The following MMS19 variants were observed in gnomAD, a reference collection of about 807,000 sequenced individuals.
MMS19 encodes the protein MMS19 cytosolic iron-sulfur assembly component.
A neutral mutation model predicts 129.8 loss-of-function variants in MMS19; 77 were observed. The ratio of observed to expected loss-of-function variants is 0.59; its 90% CI spans 0.49 to 0.72. MMS19 has a LOEUF of 0.72. Among genes scored for constraint, MMS19 ranks in the 30% least tolerant of loss-of-function variants. The pLI is 0.00. For missense variants in MMS19, 1,168 were observed against 1,266.3 expected, an observed-to-expected ratio of 0.92 and a Z score of 1.18; for synonymous variants, 491 against 502.8, an observed-to-expected ratio of 0.98 and a Z score of 0.31.
chr10:97,460,812 C>G (rs2031642253), intron 24 of MMS19, 61 bp from the exon 25 acceptor site: 1 of 1,545,688 alleles, frequency 6.5e-7, no homozygotes, highest in Non-Finnish European at 8.8e-7. Context: ...AACCCTGAGA[C>G]ATAGATGTTT....
rs1170816636 is a variant in MMS19, at chr10:97,466,526, G to A, written c.1483C>T (p.Leu495=). 3 of 1,613,784 alleles carry A rather than the reference G, an allele frequency of 1.9e-6. No homozygotes were observed. The East Asian group carries it at 6.7e-5, about 36-fold the overall frequency. ...AVGHLYRLSF[L]KEDSQSCRVA... is the part of the protein sequence containing the mutation. ...CACCAACTCTGGGAATCCTCCTTCA[G>A]GAAGCTCAGTCTGTACAGGTGACCC... is the stretch of plus-strand genomic sequence containing the variant. Residue 495 remains leucine (L), a synonymous_variant, in exon 16 of 31, where the codon CTG becomes TTG. Coordinates refer to ENST00000438925, the MANE Select transcript of MMS19 (RefSeq NM_022362.5).
At chr10:97,485,632 G>C (rs2135487769) in intron 1 of MMS19, among the ~76,000 whole-genome samples, 1 of 152,200 alleles carries the variant, frequency 6.6e-6, no homozygotes, top group African/African-American at 2.4e-5. Context: ...ATTTTTAGTA[G>C]AGATAGGGCT....
intron 26 of MMS19, 120 bp from the exon 27 acceptor site, chr10:97,459,861 C>A: frequency 1.0e-6 from 1 of 1,003,756 alleles, no homozygotes; most frequent in Non-Finnish European, 1.5e-6. Flanking sequence ...GAGCCCTTCA[C>A]GCTCAGAATA....
At chr10:97,460,620 A>G (rs2031537119) in intron 25 of MMS19, 75 bp downstream of exon 25, 1 of 1,205,598 alleles carries the variant, frequency 8.3e-7, no homozygotes, top group South Asian at 1.3e-5. Flanking sequence ...GGAGGATGGA[A>G]GTCCTTGGGA....
At chr10:97,498,472 GA>G (rs1455667734), upstream of MMS19, 20 of 1,520,702 alleles carry the variant, frequency 1.3e-5, no homozygotes, top group Non-Finnish European at 1.8e-5. Context: ...AATCTCCGGG[GA>G]AGCGCAAGGG....
At chr10:97,462,751 C>T in intron 19 of MMS19, 69 bp from the exon 20 acceptor site, 1 of 1,220,916 alleles carries the variant, frequency 8.2e-7, no homozygotes, top group Non-Finnish European at 1.2e-6. Context: ...TGATTGGGTT[C>T]TGTCAGCATC....
chr10:97,475,960 T>C (rs2135392023), intron 8 of MMS19, among the ~76,000 whole-genome samples: 1 of 152,188 alleles, frequency 6.6e-6, no homozygotes, highest in South Asian at 2.1e-4. Context: ...GGTAAGAAAT[T>C]CCCTACAGCA....
At chr10:97,469,363 A>G (rs1246355747) in intron 11 of MMS19, among the ~76,000 whole-genome samples, 1 of 152,182 alleles carries the variant, frequency 6.6e-6, no homozygotes, top group Admixed American at 6.5e-5. Flanking sequence ...TCTATTCACC[A>G]TGGTGCCAAA....
Position 97,476,711 on chromosome 10 carries a change from G to A in MMS19, c.656C>T (p.Ser219Phe), listed in dbSNP as rs1264092565. Residue 219 changes from serine to phenylalanine, a missense_variant, in exon 8 of 31, where the codon TCC (serine) becomes TTC (phenylalanine). This residue lies in a region of MMS19 where 329 missense variants were observed against 328.6 expected (regional missense o/e 1.00). Coordinates refer to ENST00000438925, the MANE Select transcript of MMS19 (RefSeq NM_022362.5). The part of the protein sequence containing the change: ...PFVEELFEVT[S>F]CYFPIDFTPP... ...GGTAAAATCGATAGGGAAATAACAG[G>A]ATGTCACTTCAAACAACTCCTCCAC... 1 of 1,613,886 alleles carries A rather than the reference G, an allele frequency of 6.2e-7. No individual in the cohort carries two copies. Among genetic ancestry groups the A allele is most frequent in the South Asian group, 1.1e-5 (1 of 91,056 alleles).
At position 97,498,380 on chromosome 10, in the gene MMS19, G is replaced by A. The variant is rs1320816020; in HGVS notation, c.5C>T (p.Ala2Val). The change falls in exon 1 of 31, where the codon GCC (alanine) becomes GTC (valine). Residue 2 changes from alanine to valine, a missense_variant. Coordinates refer to ENST00000438925, the MANE Select transcript of MMS19 (RefSeq NM_022362.5). M[A>V]AAAAVEAAAP... Reference sequence around the variant, plus strand: ...CGCCGCCTCCACAGCCGCGGCAGCGGCCATAACGCGAACTAGAGACCGTGG... The same window carrying A: ...CGCCGCCTCCACAGCCGCGGCAGCGACCATAACGCGAACTAGAGACCGTGG... 5 of 1,579,914 alleles carry A rather than the reference G, an allele frequency of 3.2e-6. No homozygotes were observed. Among genetic ancestry groups the A allele is most frequent in the Admixed American group, 3.5e-5 (2 of 57,294 alleles).
intron 1 of MMS19, among the ~76,000 whole-genome samples, chr10:97,487,593 A>G (rs1290436436): frequency 5.9e-5 from 9 of 151,946 alleles, no homozygotes; most frequent in Admixed American, 5.9e-4. Flanking sequence ...TGCTGGGATT[A>G]CAGGCGTGAG....
chr10:97,498,429 A>C (rs2040223809), upstream of MMS19: 4 of 1,557,990 alleles, frequency 2.6e-6, no homozygotes, highest in Non-Finnish European at 3.4e-6. Flanking sequence ...CGGTGGCTCG[A>C]GACGGGCTCT....
chr10:97,459,903 G>GACAAGA, intron 26 of MMS19, 143 bp downstream of exon 26: 1 of 1,033,518 alleles, frequency 9.7e-7, no homozygotes, highest in Non-Finnish European at 1.4e-6. Context: ...GAAGAAGTGG[G>GACAAGA]ACAAGAATCT....
At chr10:97,474,341 G>A (rs2035346335) in intron 8 of MMS19, among the ~76,000 whole-genome samples, 2 of 151,574 alleles carry the variant, frequency 1.3e-5, no homozygotes, top group African/African-American at 2.4e-5. Context: ...TGAGGAGTTC[G>A]AGACCAACCT....
chr10:97,459,600 C>G, intron 27 of MMS19, 59 bp downstream of exon 27: 1 of 1,599,056 alleles, frequency 6.3e-7, no homozygotes, highest in Non-Finnish European at 8.5e-7. Flanking sequence ...CCCTTTCTAG[C>G]CCCATCTGGG....
At chr10:97,493,988 C>A (rs2039388846) in intron 1 of MMS19, among the ~76,000 whole-genome samples, 1 of 152,158 alleles carries the variant, frequency 6.6e-6, no homozygotes, top group African/African-American at 2.4e-5. Flanking sequence ...GCACTCCAGC[C>A]TGGGCAACAG....
At chr10:97,494,280 A>G (rs1042969156) in intron 1 of MMS19, among the ~76,000 whole-genome samples, 1 of 152,210 alleles carries the variant, frequency 6.6e-6, no homozygotes, top group African/African-American at 2.4e-5. Context: ...GCAAGGCACC[A>G]GTTTGTGTGG....
At position 97,490,914 on chromosome 10, in the gene MMS19, G is replaced by A. The variant is rs530572772; in HGVS notation, c.113-6763C>T. On this transcript the variant is annotated intron_variant, in intron 1 of 30. Coordinates refer to ENST00000438925, the MANE Select transcript of MMS19 (RefSeq NM_022362.5). ...AGCCAAGGGAAAAAATGAGCAGACT[G>A]TAAGGGTGGGGGAAGGGGTAGCAGC... Among the ~76,000 whole-genome samples, 24 of 152,316 alleles carry A rather than the reference G, an allele frequency of 1.6e-4. No homozygotes were observed. The East Asian group carries it at 3.9e-3, about 24-fold the overall frequency.
intron 19 of MMS19, 69 bp downstream of exon 19, chr10:97,463,789 G>C: frequency 7.5e-7 from 1 of 1,340,644 alleles, no homozygotes; most frequent in Non-Finnish European, 1.0e-6. Context: ...AATACCCAGA[G>C]GGTGGTGCTG....
Sources: gnomAD v4.1 joint callset for allele counts (sites outside exome capture counted in the v4.1 genomes callset) on GRCh38, gnomAD v4.1.1 for gene constraint, gnomAD v4.1.1 regional missense constraint, MANE v1.5 for transcripts, NCBI Gene and HGNC (gene_info 2026-07-23, HGNC 2026-07-21) for gene names.